The following SLC38A6 variants were observed in gnomAD, a reference collection of about 807,000 sequenced individuals.
SLC38A6 encodes the protein N system amino acid transporter NAT-1.
A neutral mutation model predicts 65.0 loss-of-function variants in SLC38A6; 73 were observed. The ratio of observed to expected loss-of-function variants is 1.12; its 90% CI spans 0.93 to 1.37. The LOEUF is 1.37. SLC38A6 is among the 40% of genes most tolerant of loss of function. The probability of loss-of-function intolerance (pLI) is 0.00; values close to 1 mark genes in which losing one functional copy is unlikely to be tolerated. For synonymous variants in SLC38A6, 183 were observed against 178.8 expected (o/e 1.02, Z -0.19); for missense variants, 561 against 531.1 (o/e 1.06, Z -0.55).
At chr14:61,014,893 C>G (rs1293319975) in intron 3 of SLC38A6, among the ~76,000 whole-genome samples, 1 of 152,160 alleles carries the variant, frequency 6.6e-6, no homozygotes, top group Non-Finnish European at 1.5e-5. Flanking sequence ...CTGGGAGAAC[C>G]ACTACTCTCA....
At chr14:61,037,232 C>A in intron 7 of SLC38A6, 91 bp downstream of exon 7, 1 of 919,506 alleles carries the variant, frequency 1.1e-6, no homozygotes, top group Non-Finnish European at 1.6e-6. Context: ...TTTAAAATTT[C>A]ACAGTACCAC....
At chr14:61,024,388 C>A (rs983507609) in intron 5 of SLC38A6, among the ~76,000 whole-genome samples, 1 of 152,128 alleles carries the variant, frequency 6.6e-6, no homozygotes, top group African/African-American at 2.4e-5. Context: ...TTGGCTAGAG[C>A]CAGAGGTAAC....
At chr14:61,013,985 A>C (rs915951937) in intron 3 of SLC38A6, among the ~76,000 whole-genome samples, 1 of 152,214 alleles carries the variant, frequency 6.6e-6, no homozygotes, top group Non-Finnish European at 1.5e-5. Flanking sequence ...GTGTTTTCCA[A>C]CTTAGTTCCA....
chr14:61,078,077 A>G (rs1312926086), intron 15 of SLC38A6, among the ~76,000 whole-genome samples: 1 of 152,206 alleles, frequency 6.6e-6, no homozygotes, highest in African/African-American at 2.4e-5. Context: ...TCTATACAAT[A>G]CCTGGGACGG....
chr14:60,983,228 T>C (rs2037202479), intron 2 of SLC38A6, among the ~76,000 whole-genome samples: 1 of 152,216 alleles, frequency 6.6e-6, no homozygotes, highest in Non-Finnish European at 1.5e-5. Flanking sequence ...ATGTTCCCAC[T>C]AAACTGAAAT....
At chr14:60,996,500 G>A (rs1295215460) in intron 3 of SLC38A6, among the ~76,000 whole-genome samples, 1 of 151,930 alleles carries the variant, frequency 6.6e-6, no homozygotes, top group East Asian at 1.9e-4. Context: ...GATCAGTCCA[G>A]GAAGTCCAAC....
At chr14:61,016,178 A>G (rs940177319) in intron 4 of SLC38A6, among the ~76,000 whole-genome samples, 4 of 152,212 alleles carry the variant, frequency 2.6e-5, no homozygotes. Flanking sequence ...GAATCTTTTA[A>G]TATTTTTCAT....
At chr14:61,006,032 C>A (rs1256886949) in intron 3 of SLC38A6, among the ~76,000 whole-genome samples, 1 of 152,150 alleles carries the variant, frequency 6.6e-6, no homozygotes, top group Non-Finnish European at 1.5e-5. Flanking sequence ...CGCATATCTA[C>A]ACCTATCTGA....
chr14:61,020,041 CAT>C (rs1566662212), intron 5 of SLC38A6, among the ~76,000 whole-genome samples: 2 of 152,082 alleles, frequency 1.3e-5, no homozygotes. Context: ...TGGTTTAAAA[CAT>C]AAATAAATCT....
At chr14:61,078,772 T>A (rs887046029) in intron 15 of SLC38A6, 2 of 183,566 alleles carry the variant, frequency 1.1e-5, no homozygotes, top group Non-Finnish European at 2.1e-5. Context: ...TTTTATTTTT[T>A]ATTTTATTTA....
At chr14:61,004,626 C>G (rs914724543) in intron 3 of SLC38A6, 9 of 152,080 alleles carry the variant, frequency 5.9e-5, no homozygotes, top group African/African-American at 2.2e-4. Context: ...ACCCTCCCAA[C>G]ACTAAACCAG....
At chr14:61,047,026 C>T (rs909666462) in intron 12 of SLC38A6, among the ~76,000 whole-genome samples, 2 of 152,058 alleles carry the variant, frequency 1.3e-5, no homozygotes, top group African/African-American at 4.8e-5. Context: ...TTTTCTGTGT[C>T]AATAAGATAC....
chr14:61,042,902 A>G (rs2041895297), intron 8 of SLC38A6, among the ~76,000 whole-genome samples: 1 of 152,182 alleles, frequency 6.6e-6, no homozygotes, highest in Non-Finnish European at 1.5e-5. Context: ...TTGAAAGTTG[A>G]CACAGGAGTA....
At chr14:61,024,063 A>C (rs1212377375) in intron 5 of SLC38A6, among the ~76,000 whole-genome samples, 1 of 152,174 alleles carries the variant, frequency 6.6e-6, no homozygotes, top group Non-Finnish European at 1.5e-5. Flanking sequence ...CAGTATATGT[A>C]AGTGAGCATA....
intron 3 of SLC38A6, chr14:61,004,703 C>G (rs1426006630): frequency 6.6e-6 from 1 of 152,230 alleles, no homozygotes. Context: ...CAATAGCTTA[C>G]CAACCAAAAA....
chr14:61,002,626 C>T (rs1161277368), intron 3 of SLC38A6, among the ~76,000 whole-genome samples: 7 of 152,224 alleles, frequency 4.6e-5, no homozygotes, highest in East Asian at 1.9e-4. Context: ...GGTTTCTAAA[C>T]GATTCCTGTG....
chr14:61,041,188 T>TAA lies in SLC38A6; in HGVS notation c.625-1958_625-1957insAA, dbSNP rs146193598. 1.9e-4 allele frequency among the ~76,000 whole-genome samples: 29 copies of TAA among 152,248 alleles called. No individual in the cohort carries two copies. In the East Asian group the frequency reaches 5.6e-3, roughly 29 times the overall value. On this transcript the variant is annotated intron_variant, in intron 8 of 15. Coordinates refer to ENST00000267488, the MANE Select transcript of SLC38A6 (RefSeq NM_153811.3). ...CCTTTGTCATTCCAACCCCAAGACTTACCTTCTTACCAACCTAAGCAAGGA... is the reference window on the plus strand; with the variant it reads ...CCTTTGTCATTCCAACCCCAAGACTTAAACCTTCTTACCAACCTAAGCAAGGA...
intron 15 of SLC38A6, among the ~76,000 whole-genome samples, chr14:61,076,334 A>G (rs1229858431): frequency 6.6e-6 from 1 of 152,266 alleles, no homozygotes; most frequent in African/African-American, 2.4e-5. Context: ...ATGGAAGATC[A>G]TTAGTCTCAT....
chr14:61,079,133 C>CTTT lies in SLC38A6; in HGVS notation c.1408+226_1408+228dup, dbSNP rs34713691. Among the ~76,000 whole-genome samples, 716 of 93,834 alleles carry CTTT rather than the reference C, an allele frequency of 7.6e-3. 32 individuals carry two copies. The highest frequency in any genetic ancestry group is 0.025 in the African/African-American group (536 of 21,456). 61.6% of individuals were successfully genotyped at this position (93,834 alleles called of 152,430 possible). Reference sequence around the variant, plus strand: ...CTTCCTATGAGTTCCTGCCTCCAAACTTTTTTTTTTTTTTTTTTTTTTGAG... The same window carrying CTTT: ...CTTCCTATGAGTTCCTGCCTCCAAACTTTTTTTTTTTTTTTTTTTTTTTTTGAG... On this transcript the variant is annotated intron_variant, in intron 16 of 16. Transcript: ENST00000354886.
Sources: gnomAD v4.1 joint callset for allele counts (sites outside exome capture counted in the v4.1 genomes callset) on GRCh38, gnomAD v4.1.1 for gene constraint, MANE v1.5 for transcripts, NCBI Gene and HGNC (gene_info 2026-07-23, HGNC 2026-07-21) for gene names.